The following FIGNL1 variants were observed in gnomAD, a reference collection of about 807,000 sequenced individuals.
FIGNL1 encodes the protein fidgetin-like protein 1.
FIGNL1 carries 11 observed loss-of-function variants against 28.9 expected under a neutral mutation model. That is an observed-to-expected ratio of 0.38 (90% CI 0.24 to 0.63). The LOEUF (loss-of-function observed/expected upper bound fraction) is 0.63, where lower values mean the gene tolerates loss of function less well. FIGNL1 is among the 20% of genes least tolerant of loss of function. FIGNL1 has a pLI of 0.57. For missense variants in FIGNL1, 789 were observed against 810.4 expected, an observed-to-expected ratio of 0.97 and a Z score of 0.32; for synonymous variants, 295 against 276.5, an observed-to-expected ratio of 1.07 and a Z score of -0.66.
In FIGNL1 at chr7:50,445,379, G is replaced by A. The variant is rs754841480; in HGVS notation, c.1909C>T (p.Arg637Ter). Residue 637 changes from arginine (R) to a stop codon, truncating the protein, a stop_gained, in exon 4 of 4, where the codon CGA becomes TGA. Coordinates refer to ENST00000433017, the MANE Select transcript of FIGNL1 (RefSeq NM_001287492.4). LOFTEE classifies it high-confidence loss of function. ...DIATITPDQV[R>*]PIAYIDFENA... ...TCAAAATCAATGTAAGCTATGGGTC[G>A]AACTTGATCCGGTGTTATGGTAGCA... The A allele has an allele frequency of 2.5e-6, 4 of 1,613,966 alleles. No homozygotes were observed. The highest frequency in any genetic ancestry group is 2.5e-6 in the Non-Finnish European group (3 of 1,179,974).
chr7:50,444,317 G>C lies in FIGNL1; in HGVS notation c.*946C>G, dbSNP rs748616060. 7 of 152,108 alleles carry C rather than the reference G, an allele frequency of 4.6e-5. No homozygotes were observed. Among genetic ancestry groups the C allele is most frequent in the Non-Finnish European group, 7.3e-5 (5 of 68,042 alleles). 9.4% of individuals were successfully genotyped at this position (152,108 alleles called of 1,614,324 possible). On this transcript the variant is annotated 3_prime_UTR_variant, in exon 4 of 4. Transcript: ENST00000433017. ...TATTCCATCCATCCATGGAATCCTA[G>C]ACAATCATAAAAGGACATTTATGTT...
rs1214315493 is a variant in FIGNL1 at position 50,444,288 on chromosome 7, A to G, written c.*975T>C. The stretch of plus-strand genomic sequence containing the variant: ...TATATGCGCTCTACCAGATGACTCA[A>G]TTATATTCCATCCATCCATGGAATC... On this transcript the variant is annotated 3_prime_UTR_variant, in exon 4 of 4. Transcript: ENST00000433017. 1 of 152,254 alleles carries G rather than the reference A, an allele frequency of 6.6e-6. No homozygotes were observed. Among genetic ancestry groups the G allele is most frequent in the Non-Finnish European group, 1.5e-5 (1 of 68,050 alleles). The allele number at this position is 152,254 out of a possible 1,614,324, so 9.4% of individuals were successfully genotyped here. A position where few individuals can be genotyped will look rare whatever the true frequency, so the allele number is the denominator to read the frequency against.
chr7:50,449,435 C>T lies in FIGNL1; in HGVS notation c.-437G>A, dbSNP rs1445066787. On this transcript the variant is annotated 5_prime_UTR_variant, in exon 2 of 4. Transcript: ENST00000433017. ...TTATTTTAATAATGTCATTATCTGT[C>T]TTCCTAGACAGTTGGCTTCTGCAGG... 1 of 152,194 alleles carries T rather than the reference C, an allele frequency of 6.6e-6. No individual in the cohort carries two copies. Among genetic ancestry groups the T allele is most frequent in the Non-Finnish European group, 1.5e-5 (1 of 68,034 alleles). 9.4% of individuals were successfully genotyped at this position (152,194 alleles called of 1,614,324 possible). A position where few individuals can be genotyped will look rare whatever the true frequency, so the allele number is the denominator to read the frequency against.
chr7:50,447,382 TGAAG>T (rs1351850667), intron 3 of FIGNL1, 85 bp from the exon 4 acceptor site: 12 of 954,836 alleles, frequency 1.3e-5, no homozygotes, highest in South Asian at 3.8e-5. Flanking sequence ...TCTGCTAATC[TGAAG>T]GAAGGGACAC....
intron 2 of FIGNL1, chr7:50,448,522 G>A (rs756477145): frequency 7.2e-5 from 11 of 152,130 alleles, no homozygotes; most frequent in Non-Finnish European, 1.5e-4. Flanking sequence ...CAAGTTATTC[G>A]CATAAGCTTC....
Position 50,446,969 on chromosome 7 carries a change from T to C in FIGNL1, c.319A>G (p.Asn107Asp). 6.2e-7 allele frequency: 1 copy of C among 1,614,252 alleles called. No homozygotes were observed. The highest frequency in any genetic ancestry group is 8.5e-7 in the Non-Finnish European group (1 of 1,180,058). ...ACACTACTCATTTTGAAAACATTAT[T>C]TATTGACAATCCAGACTGCCACTTG... Reference protein sequence around the residue: ...SDKWQSGLSINNVFKMSSVQK... With the variant: ...SDKWQSGLSIDNVFKMSSVQK... The change falls in exon 4 of 4, where the codon AAT (asparagine) becomes GAT (aspartate). Residue 107 changes from asparagine (N) to aspartate (D), a missense_variant. By Grantham distance (23) the Asn-to-Asp change is conservative. Transcript: ENST00000433017.
In FIGNL1 at chr7:50,446,181, T is replaced by C. The variant is rs546798100; in HGVS notation, c.1107A>G (p.Ala369=). The change falls in exon 4 of 4, where the codon GCA becomes GCG. Residue 369 remains alanine (A), a synonymous_variant. Transcript: ENST00000433017. ...KPYGAGPTEP[A]HPVDERLKNL... is the part of the protein sequence containing the mutation. ...TCTTCAGACGCTCATCAACTGGATG[T>C]GCTGGTTCTGTAGGTCCTGCCCCAT... The C allele has an allele frequency of 5.0e-6, 8 of 1,614,218 alleles. No individual in the cohort carries two copies. The South Asian group carries it at 7.7e-5, about 16-fold the overall frequency.
rs754110258 is a variant in FIGNL1, at chr7:50,446,453, T to C, written c.835A>G (p.Ser279Gly). The change falls in exon 4 of 4, where the codon AGT (serine) becomes GGT (glycine). Residue 279 changes from serine to glycine, a missense_variant. By Grantham distance (56) the Ser-to-Gly change is moderately conservative. Transcript: ENST00000433017. Reference sequence around the variant, plus strand: ...TTTGGGCCATTATCTTCTGTTTTACTACAAGCCTTATTCAGTATTGGATTG... The same window carrying C: ...TTTGGGCCATTATCTTCTGTTTTACCACAAGCCTTATTCAGTATTGGATTG... Reference protein sequence around the residue: ...LSNPILNKACSKTEDNGPKED... With the variant: ...LSNPILNKACGKTEDNGPKED... 3 of 1,614,226 alleles carry C rather than the reference T, an allele frequency of 1.9e-6. No individual in the cohort carries two copies. Among genetic ancestry groups the C allele is most frequent in the South Asian group, 1.1e-5 (1 of 91,086 alleles).
Position 50,447,184 on chromosome 7 carries a change from CG to C in FIGNL1, c.103del (p.Arg35ValfsTer45). On this transcript the variant is annotated frameshift_variant, in exon 4 of 4. Coordinates refer to ENST00000433017, the MANE Select transcript of FIGNL1 (RefSeq NM_001287492.4). LOFTEE classifies it low-confidence loss of function (END_TRUNC). Reference sequence around the variant, plus strand: ...ATACTGAATGCGTAATATCTGTGCACGGTATGCATCTGCCTTCGGTCCGGTA... The same window carrying C: ...ATACTGAATGCGTAATATCTGTGCACGTATGCATCTGCCTTCGGTCCGGTA... ...ICTGPKADAY[R>X]AQILRIQYAW... The C allele has an allele frequency of 6.2e-7, 1 of 1,614,140 alleles. No homozygotes were observed. Among genetic ancestry groups the C allele is most frequent in the Non-Finnish European group, 8.5e-7 (1 of 1,180,022 alleles).
chr7:50,447,311 T>C lies in FIGNL1; in HGVS notation c.-10-14A>G. 1 of 1,498,666 alleles carries C rather than the reference T, an allele frequency of 6.7e-7. No homozygotes were observed. Among genetic ancestry groups the C allele is most frequent in the Non-Finnish European group, 8.9e-7 (1 of 1,117,432 alleles). The allele number at this position is 1,498,666 out of a possible 1,614,324, so 92.8% of individuals were successfully genotyped here. Reference sequence around the variant, plus strand: ...ATTTTAGAGGTTCTATAACAAACAATAAAAATGAAAATCAGTATGAAGGAA... The same window carrying C: ...ATTTTAGAGGTTCTATAACAAACAACAAAAATGAAAATCAGTATGAAGGAA... On this transcript the variant is annotated splice_polypyrimidine_tract_variant and intron_variant, in intron 3 of 3. Coordinates refer to ENST00000433017, the MANE Select transcript of FIGNL1 (RefSeq NM_001287492.4).
chr7:50,445,962 A>C lies in FIGNL1; in HGVS notation c.1326T>G (p.Pro442=), dbSNP rs775890123. 6.2e-7 allele frequency: 1 copy of C among 1,614,178 alleles called. No individual in the cohort carries two copies. The highest frequency in any genetic ancestry group is 8.5e-7 in the Non-Finnish European group (1 of 1,180,026). ...CAATTAGAGTTTTACCAGTCCCAGG[A>C]GGACCAAAGAGCAAAATTCCTTTAG... ...GPPKGILLFG[P]PGTGKTLIGK... Residue 442 remains proline, a synonymous_variant, in exon 4 of 4, where the codon CCT becomes CCG. Coordinates refer to ENST00000433017, the MANE Select transcript of FIGNL1 (RefSeq NM_001287492.4).
Position 50,445,808 on chromosome 7 carries a change from G to T in FIGNL1, c.1480C>A (p.Pro494Thr). Residue 494 changes from proline to threonine, a missense_variant, in exon 4 of 4, where the codon CCA becomes ACA. Transcript: ENST00000433017. ...ATTTCGTCAATAAATATCACAGCTG[G>T]TTGCTGACACCTTGCAACAGCAAAC... ...ALFAVARCQQ[P>T]AVIFIDEIDS... is the part of the protein sequence containing the mutation. 1 of 1,614,176 alleles carries T rather than the reference G, an allele frequency of 6.2e-7. No individual in the cohort carries two copies. The highest frequency in any genetic ancestry group is 8.5e-7 in the Non-Finnish European group (1 of 1,180,032).
In FIGNL1 at chr7:50,447,165, A is replaced by G. The variant is rs138867363; in HGVS notation, c.123T>C (p.Ile41=). 11 of 1,614,114 alleles carry G rather than the reference A, an allele frequency of 6.8e-6. No homozygotes were observed. The African/African-American group carries it at 1.5e-4, about 22-fold the overall frequency. Residue 41 remains isoleucine (I), a synonymous_variant, in exon 4 of 4, where the codon ATT becomes ATC. Coordinates refer to ENST00000433017, the MANE Select transcript of FIGNL1 (RefSeq NM_001287492.4). The part of the protein sequence containing the change: ...ADAYRAQILR[I]QYAWANSEIS... ...TCTCAGAGTTTGCCCATGCATACTGAATGCGTAATATCTGTGCACGGTATG... is the reference window on the plus strand; with the variant it reads ...TCTCAGAGTTTGCCCATGCATACTGGATGCGTAATATCTGTGCACGGTATG...
chr7:50,446,282 T>A lies in FIGNL1; in HGVS notation c.1006A>T (p.Ile336Leu), dbSNP rs749667286. ...ATAGGAGGAACAAACTTTCCAAGTA[T>A]CCCTCGGGATCTACTAGCTCCTAGA... ...KSLGASRSRG[I>L]LGKFVPPIPK... The change falls in exon 4 of 4, where the codon ATA becomes TTA. Residue 336 changes from isoleucine (I) to leucine (L), a missense_variant. Physicochemically the swap from Ile to Leu is conservative, Grantham distance 5. Coordinates refer to ENST00000433017, the MANE Select transcript of FIGNL1 (RefSeq NM_001287492.4). 1.2e-6 allele frequency: 2 copies of A among 1,614,166 alleles called. No individual in the cohort carries two copies. The highest frequency in any genetic ancestry group is 2.2e-5 in the South Asian group (2 of 91,084).
chr7:50,450,134 G>C (rs552647910), intron 1 of FIGNL1, 167 bp downstream of exon 1: 1 of 152,658 alleles, frequency 6.6e-6, no homozygotes, highest in South Asian at 2.1e-4. Flanking sequence ...GAAGCAAAAG[G>C]GCACAGCCAC....
Position 50,446,425 on chromosome 7 carries a change from T to A in FIGNL1, c.863A>T (p.Glu288Val). The A allele has an allele frequency of 6.2e-7, 1 of 1,614,196 alleles. No individual in the cohort carries two copies. The highest frequency in any genetic ancestry group is 8.5e-7 in the Non-Finnish European group (1 of 1,180,034). The change falls in exon 4 of 4, where the codon GAG becomes GTG. Residue 288 changes from glutamate (E) to valine (V), a missense_variant. Physicochemically the swap from Glu to Val is moderately radical, Grantham distance 121. Coordinates refer to ENST00000433017, the MANE Select transcript of FIGNL1 (RefSeq NM_001287492.4). ...CSKTEDNGPK[E>V]DSSLPTFKTA... The stretch of plus-strand genomic sequence containing the variant: ...TTTAAATGTAGGCAGGCTGCTATCC[T>A]CCTTTGGGCCATTATCTTCTGTTTT...
chr7:50,446,760 G>T lies in FIGNL1; in HGVS notation c.528C>A (p.Phe176Leu), dbSNP rs529394194. Reference protein sequence around the residue: ...SAHDRDRTQDFPESNRLKLLQ... With the variant: ...SAHDRDRTQDLPESNRLKLLQ... ...GGAGTTTCAAACGATTGCTCTCCGG[G>T]AAGTCTTGGGTCCGGTCTCGATCAT... The change falls in exon 4 of 4, where the codon TTC (phenylalanine) becomes TTA (leucine). Residue 176 changes from phenylalanine (F) to leucine (L), a missense_variant. Coordinates refer to ENST00000433017, the MANE Select transcript of FIGNL1 (RefSeq NM_001287492.4). 6.2e-7 allele frequency: 1 copy of T among 1,614,168 alleles called. No homozygotes were observed. The highest frequency in any genetic ancestry group is 1.1e-5 in the South Asian group (1 of 91,086).
Position 50,446,829 on chromosome 7 carries a change from A to T in FIGNL1, c.459T>A (p.Val153=). 1 of 1,614,096 alleles carries T rather than the reference A, an allele frequency of 6.2e-7. No individual in the cohort carries two copies. The highest frequency in any genetic ancestry group is 8.5e-7 in the Non-Finnish European group (1 of 1,180,038). ...AGTCACTCTCTTGAGAACTACCACA[A>T]ACACTAAATTTAGGAAGATCAAAGA... ...ATVFDLPKFS[V]CGSSQESDSL... The change falls in exon 4 of 4, where the codon GTT becomes GTA. Residue 153 remains valine, a synonymous_variant. Transcript: ENST00000433017.
chr7:50,445,163 G>C lies in FIGNL1; in HGVS notation c.*100C>G. 1.5e-6 allele frequency: 1 copy of C among 666,344 alleles called. No homozygotes were observed. The highest frequency in any genetic ancestry group is 2.9e-5 in the South Asian group (1 of 34,436). The allele number at this position is 666,344 out of a possible 1,614,324, so 41.3% of individuals were successfully genotyped here. A position where few individuals can be genotyped will look rare whatever the true frequency, so the allele number is the denominator to read the frequency against. Reference sequence around the variant, plus strand: ...GCTATTATTTGAAGTACAGAACTTAGAATATATTCTTAAAAATACAATTAA... The same window carrying C: ...GCTATTATTTGAAGTACAGAACTTACAATATATTCTTAAAAATACAATTAA... On this transcript the variant is annotated 3_prime_UTR_variant, in exon 4 of 4. Transcript: ENST00000433017.
Sources: gnomAD v4.1 joint callset for allele counts on GRCh38, gnomAD v4.1.1 for gene constraint, MANE v1.5 for transcripts, NCBI Gene and HGNC (gene_info 2026-07-23, HGNC 2026-07-21) for gene names.